The following ZBTB49 variants were observed in gnomAD, a reference collection of about 807,000 sequenced individuals.
ZBTB49 encodes zinc finger and BTB domain-containing protein 49.
Under a neutral mutation model 57.5 loss-of-function variants are expected in ZBTB49, and 43 were observed. The ratio of observed to expected loss-of-function variants is 0.75; its 90% CI spans 0.59 to 0.97. ZBTB49 has a LOEUF of 0.97. Ranked by LOEUF, ZBTB49 falls within the 50% of genes least tolerant of loss-of-function variation. The pLI, the probability that ZBTB49 is intolerant of heterozygous loss-of-function variation, is 0.00. For synonymous variants in ZBTB49, 369 were observed against 362.1 expected (o/e 1.02, Z -0.22); for missense variants, 938 against 947.7 (o/e 0.99, Z 0.13).
In ZBTB49 at chr4:4,321,109, C is replaced by G; in HGVS notation, c.2091C>G (p.Thr697=). 7 of 1,614,176 alleles carry G rather than the reference C, an allele frequency of 4.3e-6. No individual in the cohort carries two copies. Among genetic ancestry groups the G allele is most frequent in the Non-Finnish European group, 5.9e-6 (7 of 1,180,040 alleles). The change falls in exon 8 of 8, where the codon ACC becomes ACG. Residue 697 remains threonine, a synonymous_variant. Transcript: ENST00000337872. The part of the protein sequence containing the change: ...PQAYAYSDVD[T]PAGGEPLQAD... ...CCTATGCTTACTCGGATGTGGACAC[C>G]CCAGCCGGTGGCGAACCACTGCAGG...
chr4:4,290,952 G>T (rs1265161847), intron 1 of ZBTB49, among the ~76,000 whole-genome samples: 1 of 152,228 alleles, frequency 6.6e-6, no homozygotes, highest in Non-Finnish European at 1.5e-5. Flanking sequence ...ATAAACGTTA[G>T]CTCTTCTCAG....
Position 4,302,733 on chromosome 4 carries a change from G to A in ZBTB49, c.897G>A (p.Lys299=), listed in dbSNP as rs780054053. The A allele has an allele frequency of 1.2e-6, 2 of 1,613,948 alleles. No homozygotes were observed. Among genetic ancestry groups the A allele is most frequent in the Non-Finnish European group, 8.5e-7 (1 of 1,179,978 alleles). Reference sequence around the variant, plus strand: ...ACGCCACATGCCAACAACCTGTCAAGCAGATGAGGCTCAAAAAGGCCATTC... The same window carrying A: ...ACGCCACATGCCAACAACCTGTCAAACAGATGAGGCTCAAAAAGGCCATTC... ...ESDATCQQPV[K]QMRLKKAIHL... is the part of the protein sequence containing the mutation. The change falls in exon 3 of 8, where the codon AAG becomes AAA. Residue 299 remains lysine (K), a synonymous_variant. Coordinates refer to ENST00000337872, the MANE Select transcript of ZBTB49 (RefSeq NM_145291.4).
rs200510294 is a variant in ZBTB49, at chr4:4,321,067, G to A, written c.2049G>A (p.Gln683=). 2.8e-4 allele frequency: 460 copies of A among 1,614,214 alleles called. No individual in the cohort carries two copies. The highest frequency in any genetic ancestry group is 3.5e-4 in the Non-Finnish European group (410 of 1,180,040). ...DPGKLAKPQM[Q]QTQPQAYAYS... is the part of the protein sequence containing the mutation. ...GTAAACTTGCCAAGCCCCAGATGCA[G>A]CAGACACAGCCTCAGGCCTATGCTT... Residue 683 remains glutamine, a synonymous_variant, in exon 8 of 8, where the codon CAG becomes CAA. Coordinates refer to ENST00000337872, the MANE Select transcript of ZBTB49 (RefSeq NM_145291.4).
Position 4,321,061 on chromosome 4 carries a change from G to C in ZBTB49, c.2043G>C (p.Gln681His), listed in dbSNP as rs762776063. 36 of 1,614,092 alleles carry C rather than the reference G, an allele frequency of 2.2e-5. No homozygotes were observed. The highest frequency in any genetic ancestry group is 3.1e-5 in the Non-Finnish European group (36 of 1,180,044). Residue 681 changes from glutamine (Q) to histidine (H), a missense_variant, in exon 8 of 8, where the codon CAG becomes CAC. Coordinates refer to ENST00000337872, the MANE Select transcript of ZBTB49 (RefSeq NM_145291.4). ...SLDPGKLAKPQMQQTQPQAYA... is the reference protein window; with the variant it reads ...SLDPGKLAKPHMQQTQPQAYA... ...ATCCTGGTAAACTTGCCAAGCCCCA[G>C]ATGCAGCAGACACAGCCTCAGGCCT... is the stretch of plus-strand genomic sequence containing the variant.
intron 4 of ZBTB49, among the ~76,000 whole-genome samples, chr4:4,309,787 C>G (rs1377436127): frequency 1.3e-5 from 2 of 152,162 alleles, no homozygotes; most frequent in Non-Finnish European, 2.9e-5. Flanking sequence ...TGAGCTTGGC[C>G]CAAGCTATTA....
At chr4:4,310,247 G>A (rs1368278692) in intron 4 of ZBTB49, among the ~76,000 whole-genome samples, 3 of 152,144 alleles carry the variant, frequency 2.0e-5, no homozygotes, top group Non-Finnish European at 4.4e-5. Flanking sequence ...TTCCTTTACT[G>A]CTAATATCGT....
At position 4,302,116 on chromosome 4, in the gene ZBTB49, A is replaced by G. The variant is rs138191301; in HGVS notation, c.280A>G (p.Ile94Val). 3 of 1,614,130 alleles carry G rather than the reference A, an allele frequency of 1.9e-6. No homozygotes were observed. The highest frequency in any genetic ancestry group is 1.3e-5 in the African/African-American group (1 of 74,950). ...TCATCTAGATCTTAACCAGGACAAT[A>G]TACAAGTAATGCTGGACACAGCACA... is the stretch of plus-strand genomic sequence containing the variant. The part of the protein sequence containing the change: ...TSHLDLNQDN[I>V]QVMLDTAQCL... Residue 94 changes from isoleucine to valine, a missense_variant, in exon 3 of 8, where the codon ATA becomes GTA. This residue lies in a region of ZBTB49 where 100 missense variants were observed against 112.5 expected (regional missense o/e 0.89). Transcript: ENST00000337872.
In ZBTB49 at chr4:4,303,382, A is replaced by G. The variant is rs562149586; in HGVS notation, c.1255+291A>G. ...ATCTGTCTCTAAAGAAAGTATAGTA[A>G]TTTTGGTGCACCCAGAATTTCAAAT... On this transcript the variant is annotated intron_variant, in intron 3 of 7. Coordinates refer to ENST00000337872, the MANE Select transcript of ZBTB49 (RefSeq NM_145291.4). Among the ~76,000 whole-genome samples the G allele has an allele frequency of 4.6e-5, 7 of 152,322 alleles. No homozygotes were observed. In the South Asian group the frequency reaches 1.5e-3, roughly 32 times the overall value.
rs115336133 is a variant in ZBTB49 at position 4,299,135 on chromosome 4, C to T, written c.-19-792C>T. ...CCTGGGCATGACCTGACCCTCTGTCCCCTCTAGGATGTCATCTCCTGCCAC... is the reference window on the plus strand; with the variant it reads ...CCTGGGCATGACCTGACCCTCTGTCTCCTCTAGGATGTCATCTCCTGCCAC... On this transcript the variant is annotated intron_variant, in intron 1 of 7. Transcript: ENST00000337872. Among the ~76,000 whole-genome samples the T allele has an allele frequency of 5.3e-3, 806 of 152,228 alleles. 5 individuals are homozygous for T. The highest frequency in any genetic ancestry group is 0.018 in the African/African-American group (740 of 41,532).
At chr4:4,303,184 T>C (rs1720581487) in intron 3 of ZBTB49, 93 bp downstream of exon 3, 1 of 1,378,472 alleles carries the variant, frequency 7.3e-7, no homozygotes, top group African/African-American at 1.5e-5. Context: ...GAAGTTTTGC[T>C]GTTGTTTGAT....
chr4:4,317,934 G>A (rs577304556), intron 7 of ZBTB49, among the ~76,000 whole-genome samples: 2 of 152,120 alleles, frequency 1.3e-5, no homozygotes, highest in Non-Finnish European at 2.9e-5. Flanking sequence ...GGGAGGCTTC[G>A]TTGGGGTTTC....
chr4:4,316,104 C>A, intron 7 of ZBTB49, 134 bp downstream of exon 7: 1 of 1,174,480 alleles, frequency 8.5e-7, no homozygotes, highest in Non-Finnish European at 1.2e-6. Context: ...CTCACATGAT[C>A]TCTCATTCAT....
rs1434401028 is a variant in ZBTB49, at chr4:4,302,353, T to C, written c.517T>C (p.Ser173Pro). Residue 173 changes from serine to proline, a missense_variant, in exon 3 of 8, where the codon TCG (serine) becomes CCG (proline). Ser to Pro is a moderately conservative substitution (Grantham distance 74). Around this residue, in one of 3 missense-constraint regions of ZBTB49, gnomAD observed 835 missense variants for 819.1 expected, o/e 1.02. Coordinates refer to ENST00000337872, the MANE Select transcript of ZBTB49 (RefSeq NM_145291.4). ...DAQQNKTLDE[S>P]HPHASPSVNR... Reference sequence around the variant, plus strand: ...ACAGCAGAACAAAACGTTGGATGAATCGCATCCGCATGCTTCACCATCAGT... The same window carrying C: ...ACAGCAGAACAAAACGTTGGATGAACCGCATCCGCATGCTTCACCATCAGT... 6.2e-7 allele frequency: 1 copy of C among 1,614,232 alleles called. No homozygotes were observed. The highest frequency in any genetic ancestry group is 1.1e-5 in the South Asian group (1 of 91,092).
chr4:4,300,405 C>A (rs4974783), intron 2 of ZBTB49, among the ~76,000 whole-genome samples: 9,989 of 152,148 alleles, frequency 0.066, 852 homozygotes, highest in East Asian at 0.33. Flanking sequence ...ACATATATTT[C>A]TTATCCTTTC....
In ZBTB49 at chr4:4,302,918, T is replaced by C. The variant is rs2108879678; in HGVS notation, c.1082T>C (p.Val361Ala). The C allele has an allele frequency of 6.2e-7, 1 of 1,614,132 alleles. No homozygotes were observed. The change falls in exon 3 of 8, where the codon GTC becomes GCC. Residue 361 changes from valine (V) to alanine (A), a missense_variant. Transcript: ENST00000337872. Reference sequence around the variant, plus strand: ...GCTGAAGAAAAAGAAAGTGAAGAAGTCGTCAGTTGTGAGAATTTTAATTGC... The same window carrying C: ...GCTGAAGAAAAAGAAAGTGAAGAAGCCGTCAGTTGTGAGAATTTTAATTGC... ...QSAEEKESEE[V>A]VSCENFNCIS...
At chr4:4,301,866 T>C (rs962465201) in intron 2 of ZBTB49, 123 bp from the exon 3 acceptor site, 12 of 999,986 alleles carry the variant, frequency 1.2e-5, no homozygotes, top group East Asian at 3.1e-5. Context: ...AATGTACTTA[T>C]GTTAAAAGTT....
chr4:4,297,480 C>G (rs61215263), intron 1 of ZBTB49, among the ~76,000 whole-genome samples: 9,742 of 152,098 alleles, frequency 0.064, 822 homozygotes, highest in East Asian at 0.32. Context: ...AACCCCAAAC[C>G]CAGAGCGGGT....
At chr4:4,308,516 G>T (rs578131777) in intron 4 of ZBTB49, among the ~76,000 whole-genome samples, 1 of 152,298 alleles carries the variant, frequency 6.6e-6, no homozygotes, top group Admixed American at 6.5e-5. Context: ...CTTCCCTTCT[G>T]TATTGGTCTG....
intron 4 of ZBTB49, among the ~76,000 whole-genome samples, chr4:4,311,096 T>A (rs1720965764): frequency 6.6e-6 from 1 of 152,228 alleles, no homozygotes; most frequent in African/African-American, 2.4e-5. Context: ...GGAGAAAGAT[T>A]GTTTTCATTA....
Sources: gnomAD v4.1 joint callset for allele counts (sites outside exome capture counted in the v4.1 genomes callset) on GRCh38, gnomAD v4.1.1 for gene constraint, gnomAD v4.1.1 regional missense constraint, MANE v1.5 for transcripts, NCBI Gene and HGNC (gene_info 2026-07-23, HGNC 2026-07-21) for gene names.